Variants in TULP4 observed in about 807,000 individuals in gnomAD.
TULP4 encodes the protein tubby-related protein 4.
In TULP4, 16 loss-of-function variants were observed where a neutral mutation model predicts 129.0. The observed-to-expected ratio is 0.12, with a 90% confidence interval of 0.08 to 0.19. The LOEUF (loss-of-function observed/expected upper bound fraction) is 0.19. Ranked by LOEUF, TULP4 falls within the 10% of genes least tolerant of loss-of-function variation. TULP4 has a pLI of 1.00. For synonymous variants in TULP4, 998 were observed against 854.0 expected, an observed-to-expected ratio of 1.17 and a Z score of -2.94; for missense variants, 1,842 against 2,059.1, an observed-to-expected ratio of 0.89 and a Z score of 2.04.
chr6:158,310,804 A>T (rs1159821042), upstream of TULP4, among the ~76,000 whole-genome samples: 4 of 152,166 alleles, frequency 2.6e-5, no homozygotes, highest in Non-Finnish European at 5.9e-5. Context: ...TTTTCCTGGG[A>T]CTACCATGGT....
Position 158,498,804 on chromosome 6 carries a change from A to G in TULP4, c.2006A>G (p.Asp669Gly). 1 of 1,614,118 alleles carries G rather than the reference A, an allele frequency of 6.2e-7. No homozygotes were observed. Among genetic ancestry groups the G allele is most frequent in the Non-Finnish European group, 8.5e-7 (1 of 1,180,014 alleles). The change falls in exon 12 of 14, where the codon GAT (aspartate) becomes GGT (glycine). Residue 669 changes from aspartate (D) to glycine (G), a missense_variant. This residue lies in a region of TULP4 where 99 missense variants were observed against 165.1 expected (regional missense o/e 0.60). Transcript: ENST00000367097. ...AATGTTTTCAGTGAAGATGAAGATG[A>G]TTTACCAGGTGTGTTCACATACATC... ...NPNVFSEDED[D>G]LPVTGASGVP...
chr6:158,503,237 C>T lies in TULP4; in HGVS notation c.3574C>T (p.Pro1192Ser), dbSNP rs1004394694. 6.2e-7 allele frequency: 1 copy of T among 1,614,086 alleles called. No individual in the cohort carries two copies. Among genetic ancestry groups the T allele is most frequent in the Non-Finnish European group, 8.5e-7 (1 of 1,180,016 alleles). ...QTGYGMGVPY[P>S]GSYNNPPLPG... ...AGGCTATGGGATGGGAGTGCCATAT[C>T]CAGGAAGCTATAACAACCCCCCTTT... is the stretch of plus-strand genomic sequence containing the variant. Residue 1192 changes from proline (P) to serine (S), a missense_variant, in exon 13 of 14, where the codon CCA becomes TCA. Pro to Ser is a moderately conservative substitution (Grantham distance 74). Transcript: ENST00000367097. This position sits in a 1 kb window ranked among gnomAD's most constrained non-coding sequence, Gnocchi z 4.3.
chr6:158,351,466 GTTAAA>G (rs1409786537), intron 1 of TULP4, among the ~76,000 whole-genome samples: 1 of 152,128 alleles, frequency 6.6e-6, no homozygotes, highest in Non-Finnish European at 1.5e-5. Context: ...AAGGCTTGTT[GTTAAA>G]TTAAAATTGT....
At chr6:158,401,542 G>C (rs1456412616) in intron 1 of TULP4, among the ~76,000 whole-genome samples, 1 of 151,766 alleles carries the variant, frequency 6.6e-6, no homozygotes, top group African/African-American at 2.4e-5. Context: ...ACAATAGTTA[G>C]TGATGAAAAA....
rs1780527147 is a variant in TULP4 at position 158,503,660 on chromosome 6, T to G, written c.3997T>G (p.Phe1333Val). 3.1e-6 allele frequency: 5 copies of G among 1,613,334 alleles called. No individual in the cohort carries two copies. Among genetic ancestry groups the G allele is most frequent in the Non-Finnish European group, 4.2e-6 (5 of 1,179,892 alleles). The stretch of plus-strand genomic sequence containing the variant: ...CCCAGTCCCCCAGCGGACAGAAAAA[T>G]TTGGAAAGAAGAACCGGAAGCGCCT... The part of the protein sequence containing the change: ...ESPVPQRTEK[F>V]GKKNRKRLDS... The change falls in exon 13 of 14, where the codon TTT (phenylalanine) becomes GTT (valine). Residue 1333 changes from phenylalanine to valine, a missense_variant. By Grantham distance (50) the Phe-to-Val change is conservative (BLOSUM62 -1). Around this residue, in one of 5 missense-constraint regions of TULP4, gnomAD observed 1,089 missense variants for 987.1 expected, o/e 1.10. Coordinates refer to ENST00000367097, the MANE Select transcript of TULP4 (RefSeq NM_020245.5). The surrounding 1 kb of genome is among the most constrained non-coding windows in gnomAD (Gnocchi z 4.3).
chr6:158,241,224 G>T (rs926372974), intron 1 of TULP4, among the ~76,000 whole-genome samples: 2 of 126,550 alleles, frequency 1.6e-5, no homozygotes, highest in African/African-American at 5.3e-5. Context: ...CTTCCTAGAT[G>T]GGATGGCGGC....
Position 158,374,171 on chromosome 6 carries a change from C to T in TULP4, c.253-38894C>T, listed in dbSNP as rs143459089. On this transcript the variant is annotated intron_variant, in intron 1 of 13. Coordinates refer to ENST00000367097, the MANE Select transcript of TULP4 (RefSeq NM_020245.5). ...AAGCACAGTAGTGCCCCTATAGCCC[C>T]AGCTACGTGGGAGGCTGAGACAGGA... Among the ~76,000 whole-genome samples, 36 of 152,182 alleles carry T rather than the reference C, an allele frequency of 2.4e-4. No homozygotes were observed. The East Asian group carries it at 6.0e-3, about 25-fold the overall frequency.
At position 158,268,782 on chromosome 6, in the gene TULP4, C is replaced by CTCTATTTTTATATGACTTTTT. The variant is rs1337828566; in HGVS notation, n.68+36502_68+36522dup. On this transcript the variant is annotated intron_variant and non_coding_transcript_variant, in intron 1 of 1. Transcript: ENST00000620026. ...ACTTACAAATCAGGGTGATTTTTGG[C>CTCTATTTTTATATGACTTTTT]TCTATTTTTATATGACTTTTTTCTA... 2.6e-5 allele frequency among the ~76,000 whole-genome samples: 4 copies of CTCTATTTTTATATGACTTTTT among 152,224 alleles called. No individual in the cohort carries two copies. In the South Asian group the frequency reaches 8.3e-4, roughly 32 times the overall value.
At chr6:158,418,630 A>G (rs341149) in intron 2 of TULP4, among the ~76,000 whole-genome samples, 64,866 of 151,866 alleles carry the variant, frequency 0.43, 14,249 homozygotes, top group South Asian at 0.56. Flanking sequence ...TTAGCTTGGT[A>G]TGGTTTCACA....
At chr6:158,464,559 T>C (rs1779513862) in intron 6 of TULP4, among the ~76,000 whole-genome samples, 1 of 152,174 alleles carries the variant, frequency 6.6e-6, no homozygotes, top group African/African-American at 2.4e-5. Context: ...CTCAGCTCAC[T>C]GCAACCTCTG....
At chr6:158,365,755 G>T (rs1780928341) in intron 1 of TULP4, among the ~76,000 whole-genome samples, 1 of 151,794 alleles carries the variant, frequency 6.6e-6, no homozygotes. Context: ...ACAGGCATGA[G>T]CTACCGCGCC....
intron 3 of TULP4, 137 bp from the exon 4 acceptor site, chr6:158,448,859 A>G: frequency 1.2e-6 from 1 of 804,578 alleles, no homozygotes; most frequent in Non-Finnish European, 1.9e-6. Context: ...ATTTTGTGTC[A>G]CTGTGCTGTT....
chr6:158,271,734 A>G (rs1055785859), intron 1 of TULP4, among the ~76,000 whole-genome samples: 5 of 152,212 alleles, frequency 3.3e-5, no homozygotes, highest in African/African-American at 1.2e-4. Flanking sequence ...CTGGCCCCAC[A>G]TTAAAAATTT....
At chr6:158,260,732 GGCTGGGGAATGCCT>G (rs1418590548) in intron 1 of TULP4, among the ~76,000 whole-genome samples, 1 of 152,074 alleles carries the variant, frequency 6.6e-6, no homozygotes, top group East Asian at 1.9e-4. Flanking sequence ...GAGGATGAGG[GGCTGGGGAATGCCT>G]GGGGAGGTGG....
intron 6 of TULP4, among the ~76,000 whole-genome samples, chr6:158,473,254 T>C (rs1779731691): frequency 6.6e-6 from 1 of 152,240 alleles, no homozygotes; most frequent in East Asian, 1.9e-4. Context: ...GGATTAACTC[T>C]GCCTGTTCTG....
chr6:158,238,124 C>G, intron 1 of TULP4: 1 of 740,388 alleles, frequency 1.4e-6, no homozygotes, highest in Non-Finnish European at 2.5e-6. Flanking sequence ...TGCCTGGTTT[C>G]TGCTTTAACT....
chr6:158,366,392 A>G (rs1383913941), intron 1 of TULP4, among the ~76,000 whole-genome samples: 3 of 152,158 alleles, frequency 2.0e-5, no homozygotes, highest in Admixed American at 2.0e-4. Context: ...CCTTCTCAGT[A>G]GTGAGTAGAG....
intron 1 of TULP4, among the ~76,000 whole-genome samples, chr6:158,267,818 C>A (rs551005956): frequency 1.3e-4 from 20 of 152,172 alleles, no homozygotes; most frequent in African/African-American, 4.6e-4. Context: ...TTGCCTAAAG[C>A]CCTGTAGTCA....
chr6:158,491,860 TTTG>T (rs1200458812), intron 9 of TULP4, among the ~76,000 whole-genome samples: 5 of 150,248 alleles, frequency 3.3e-5, no homozygotes, highest in African/African-American at 9.8e-5. Flanking sequence ...CTCATTCTTT[TTTG>T]TTGTTGTTTT....
Sources: gnomAD v4.1 joint callset for allele counts (sites outside exome capture counted in the v4.1 genomes callset) on GRCh38, gnomAD v4.1.1 for gene constraint, gnomAD v4.1.1 regional missense constraint, Gnocchi (gnomAD v3.1) non-coding constraint, MANE v1.5 for transcripts, NCBI Gene and HGNC (gene_info 2026-07-23, HGNC 2026-07-21) for gene names.